SLC26A4: variants seen among roughly 807,000 people sequenced by gnomAD.
SLC26A4 encodes solute carrier family 26 member 4.
SLC26A4 carries 93 observed loss-of-function variants against 90.4 expected under a neutral mutation model. The observed-to-expected ratio is 1.03, with a 90% CI of 0.87 to 1.22. The LOEUF (loss-of-function observed/expected upper bound fraction) is 1.22, where lower values mean the gene tolerates loss of function less well. SLC26A4 is among the 50% of genes most tolerant of loss of function. The probability of loss-of-function intolerance (pLI) is 0.00; values close to 1 mark genes in which losing one functional copy is unlikely to be tolerated. For missense variants in SLC26A4, 1,127 were observed against 946.2 expected, an observed-to-expected ratio of 1.19 and a Z score of -2.51; for synonymous variants, 393 against 354.6, an observed-to-expected ratio of 1.11 and a Z score of -1.22.
rs147359948 is a variant in SLC26A4, at chr7:107,663,524, T to C, written c.304+89T>C. On this transcript the variant is annotated intron_variant, in intron 3 of 20. Transcript: ENST00000644269. ...CCATAGGTCTGTGACAGATGGTTGC[T>C]TACCCTTCAAGGCCTGTATCTTTCC... is the stretch of plus-strand genomic sequence containing the variant. The C allele has an allele frequency of 1.5e-5, 22 of 1,451,024 alleles. No individual in the cohort carries two copies. In the African/African-American group the frequency reaches 2.9e-4, roughly 19 times the overall value. The allele number at this position is 1,451,024 out of a possible 1,614,324, so 89.9% of individuals were successfully genotyped here. A position where few individuals can be genotyped will look rare whatever the true frequency, so the allele number is the denominator to read the frequency against.
chr7:107,704,488 T>C lies in SLC26A4; in HGVS notation c.2089+103T>C, dbSNP rs941759842. The C allele has an allele frequency of 6.4e-6, 4 of 623,844 alleles. No individual in the cohort carries two copies. The African/African-American group carries it at 7.5e-5, about 12-fold the overall frequency. 38.6% of individuals were successfully genotyped at this position (623,844 alleles called of 1,614,324 possible). ...TATGTCTGAAGGCCTTTTTTTTTTT[T>C]CTTTTAAAGATCTCAATTGTCATTA... On this transcript the variant is annotated intron_variant, in intron 18 of 20. Coordinates refer to ENST00000644269, the MANE Select transcript of SLC26A4 (RefSeq NM_000441.2).
chr7:107,701,760 T>C, intron 16 of SLC26A4, 67 bp from the exon 17 acceptor site: 2 of 1,065,760 alleles, frequency 1.9e-6, no homozygotes, highest in South Asian at 1.3e-5. Context: ...TTTTGGATAA[T>C]TTGATATGAA....
chr7:107,704,336 C>T lies in SLC26A4; in HGVS notation c.2040C>T (p.Val680=), dbSNP rs909072667. The T allele has an allele frequency of 2.2e-5, 30 of 1,351,854 alleles. No homozygotes were observed. Among genetic ancestry groups the T allele is most frequent in the Non-Finnish European group, 3.1e-5 (29 of 946,214 alleles). The allele number at this position is 1,351,854 out of a possible 1,614,324, so 83.7% of individuals were successfully genotyped here. A position where few individuals can be genotyped will look rare whatever the true frequency, so the allele number is the denominator to read the frequency against. ...CTCTCCTTTTTTATTTTTAGATTGT[C>T]AAAGAATTCCAAAGAATTGATGTGA... ...VVGVRSLRVI[V]KEFQRIDVNV... Residue 680 remains valine (V), a synonymous_variant, in exon 18 of 21, where the codon GTC becomes GTT. Transcript: ENST00000644269.
chr7:107,711,943 T>C (rs1792202289), intron 19 of SLC26A4, among the ~76,000 whole-genome samples: 1 of 152,216 alleles, frequency 6.6e-6, no homozygotes, highest in Non-Finnish European at 1.5e-5. Context: ...AGCCTGGATA[T>C]ATATTTGGAG....
intron 2 of SLC26A4, 100 bp from the exon 3 acceptor site, chr7:107,663,196 A>T: frequency 7.8e-7 from 1 of 1,275,834 alleles, no homozygotes; most frequent in Admixed American, 1.7e-5. Context: ...TTTTCCAAAT[A>T]GTTATAAACA....
chr7:107,662,096 G>A, intron 2 of SLC26A4: 1 of 507,616 alleles, frequency 2.0e-6, no homozygotes, highest in Non-Finnish European at 3.5e-6. Context: ...AAGGAAACTT[G>A]GAGTGCCTCT....
At chr7:107,695,719 G>A (rs371727811) in intron 12 of SLC26A4, among the ~76,000 whole-genome samples, 5 of 152,136 alleles carry the variant, frequency 3.3e-5, no homozygotes, top group East Asian at 3.9e-4. Context: ...AGGCTGAGGC[G>A]GGAGGATCAC....
Position 107,661,046 on chromosome 7 carries a change from A to T in SLC26A4, c.-4+191A>T, listed in dbSNP as rs1790528626. Reference sequence around the variant, plus strand: ...GGACGAGGGGAGAGACTTGCTCAATAAGCTGAAAGTTCTGCCCCCGAGAGG... The same window carrying T: ...GGACGAGGGGAGAGACTTGCTCAATTAGCTGAAAGTTCTGCCCCCGAGAGG... On this transcript the variant is annotated intron_variant, in intron 1 of 20. Coordinates refer to ENST00000644269, the MANE Select transcript of SLC26A4 (RefSeq NM_000441.2). This position sits in a 1 kb window ranked among gnomAD's most constrained non-coding sequence, Gnocchi z 5.1. 6.5e-6 allele frequency: 1 copy of T among 152,974 alleles called. No individual in the cohort carries two copies. Among genetic ancestry groups the T allele is most frequent in the Non-Finnish European group, 1.5e-5 (1 of 68,726 alleles). The allele number at this position is 152,974 out of a possible 1,614,324, so 9.5% of individuals were successfully genotyped here. A position where few individuals can be genotyped will look rare whatever the true frequency, so the allele number is the denominator to read the frequency against.
At chr7:107,715,048 C>G (rs1792304328) in intron 20 of SLC26A4, among the ~76,000 whole-genome samples, 1 of 144,198 alleles carries the variant, frequency 6.9e-6, no homozygotes, top group Non-Finnish European at 1.5e-5. Flanking sequence ...AACATGGTAA[C>G]CCCCCGACCA....
Position 107,694,656 on chromosome 7 carries a change from AG to A in SLC26A4, c.1380del (p.Met461CysfsTer27). ...LAAVVIANLKGMFMQLCDIPR... is the reference protein window; with the variant it reads ...LAAVVIANLKXMFMQLCDIPR... ...CAGCTGTTGTAATTGCCAACCTGAA[AG>A]GGATGTTTATGCAGCTGTGTGACAT... On this transcript the variant is annotated frameshift_variant, in exon 12 of 21. Transcript: ENST00000644269. LOFTEE classifies it high-confidence loss of function. 1 of 1,613,826 alleles carries A rather than the reference AG, an allele frequency of 6.2e-7. No individual in the cohort carries two copies. Among genetic ancestry groups the A allele is most frequent in the South Asian group, 1.1e-5 (1 of 91,082 alleles).
chr7:107,666,872 T>A (rs1354132428), intron 3 of SLC26A4, among the ~76,000 whole-genome samples: 4 of 152,016 alleles, frequency 2.6e-5, no homozygotes, highest in African/African-American at 9.7e-5. Flanking sequence ...CCTGGCCCTG[T>A]GGGGATATTG....
chr7:107,697,981 ACTT>A lies in SLC26A4; in HGVS notation c.1545-60_1545-58del. The A allele has an allele frequency of 2.8e-6, 3 of 1,078,404 alleles. No homozygotes were observed. In the South Asian group the frequency reaches 3.7e-5, roughly 13 times the overall value. The allele number at this position is 1,078,404 out of a possible 1,614,324, so 66.8% of individuals were successfully genotyped here. A position where few individuals can be genotyped will look rare whatever the true frequency, so the allele number is the denominator to read the frequency against. ...GGCTCTTTAGTAGCTGTTGTTTTTA[ACTT>A]TTTATTCCAAAATACGGCTGTTCCA... On this transcript the variant is annotated intron_variant, in intron 13 of 20. Coordinates refer to ENST00000644269, the MANE Select transcript of SLC26A4 (RefSeq NM_000441.2).
At chr7:107,691,195 C>T (rs187927580) in intron 10 of SLC26A4, among the ~76,000 whole-genome samples, 4 of 149,808 alleles carry the variant, frequency 2.7e-5, no homozygotes, top group Admixed American at 6.7e-5. Context: ...TTTACTAAGG[C>T]GGGGACACTT....
At chr7:107,663,230 T>G in intron 2 of SLC26A4, 66 bp from the exon 3 acceptor site, 3 of 1,548,708 alleles carry the variant, frequency 1.9e-6, no homozygotes, top group Non-Finnish European at 2.7e-6. Flanking sequence ...GTTCATAACT[T>G]TGTGATTTGC....
intron 20 of SLC26A4, among the ~76,000 whole-genome samples, chr7:107,713,614 G>A (rs560490722): frequency 1.1e-4 from 16 of 152,244 alleles, no homozygotes; most frequent in South Asian, 4.1e-4. Flanking sequence ...CCCTAAATGC[G>A]GCCAGGCCAG....
In SLC26A4 at chr7:107,661,745, A is replaced by G; in HGVS notation, c.104A>G (p.Gln35Arg). 2.6e-6 allele frequency: 4 copies of G among 1,550,012 alleles called. No homozygotes were observed. The highest frequency in any genetic ancestry group is 2.6e-6 in the Non-Finnish European group (3 of 1,151,158). The change falls in exon 2 of 21, where the codon CAG (glutamine) becomes CGG (arginine). Residue 35 changes from glutamine (Q) to arginine (R), a missense_variant. Transcript: ENST00000644269. This position sits in a 1 kb window ranked among gnomAD's most constrained non-coding sequence, Gnocchi z 5.1. Reference sequence around the variant, plus strand: ...TACAGCGAGCTCGCTTTCCAGCAACAGCACGAGCGGCGCCTGCAGGAGCGC... The same window carrying G: ...TACAGCGAGCTCGCTTTCCAGCAACGGCACGAGCGGCGCCTGCAGGAGCGC... ...PVYSELAFQQ[Q>R]HERRLQERKT...
intron 4 of SLC26A4, among the ~76,000 whole-genome samples, chr7:107,673,502 G>A (rs11769313): frequency 0.57 from 86,945 of 151,598 alleles, 25,314 homozygotes; most frequent in East Asian, 0.61. Context: ...AAAGTTGAGC[G>A]GAACAAGTAA....
chr7:107,673,278 G>C (rs550689013), intron 4 of SLC26A4, among the ~76,000 whole-genome samples: 1 of 151,702 alleles, frequency 6.6e-6, no homozygotes. Flanking sequence ...CGGAGCAATT[G>C]CTGAAAAAAA....
intron 3 of SLC26A4, among the ~76,000 whole-genome samples, chr7:107,668,953 C>T (rs1332149560): frequency 6.6e-6 from 1 of 152,216 alleles, no homozygotes; most frequent in East Asian, 1.9e-4. Flanking sequence ...AAATCAATGG[C>T]TCAGATTTCT....
Sources: gnomAD v4.1 joint callset for allele counts (sites outside exome capture counted in the v4.1 genomes callset) on GRCh38, gnomAD v4.1.1 for gene constraint, Gnocchi (gnomAD v3.1) non-coding constraint, MANE v1.5 for transcripts, NCBI Gene and HGNC (gene_info 2026-07-23, HGNC 2026-07-21) for gene names.